Variants in OPCML observed in about 807,000 individuals in gnomAD.
OPCML encodes opioid-binding protein/cell adhesion molecule.
Under a neutral mutation model 37.8 loss-of-function variants are expected in OPCML, and 13 were observed. The ratio of observed to expected loss-of-function variants is 0.34; its 90% CI spans 0.22 to 0.55. The LOEUF is 0.55. OPCML is among the 20% of genes least tolerant of loss of function. OPCML has a pLI of 0.91. For synonymous variants in OPCML, 176 were observed against 168.8 expected, an observed-to-expected ratio of 1.04 and a Z score of -0.33; for missense variants, 341 against 435.6, an observed-to-expected ratio of 0.78 and a Z score of 1.93.
chr11:132,705,005 T>A (rs1326811612), intron 2 of OPCML, among the ~76,000 whole-genome samples: 1 of 152,182 alleles, frequency 6.6e-6, no homozygotes, highest in Admixed American at 6.5e-5. Context: ...GAGTTCCATT[T>A]TGTAAATGTT....
intron 2 of OPCML, among the ~76,000 whole-genome samples, chr11:132,851,223 T>G (rs1303670119): frequency 6.6e-6 from 1 of 152,218 alleles, no homozygotes; most frequent in Non-Finnish European, 1.5e-5. Flanking sequence ...TTTCTTCCAA[T>G]TTGTGTTAGT....
chr11:132,539,802 A>G (rs1196456708), intron 3 of OPCML, among the ~76,000 whole-genome samples: 1 of 151,994 alleles, frequency 6.6e-6, no homozygotes, highest in African/African-American at 2.4e-5. Flanking sequence ...GACGGTAATG[A>G]TGATGGTGAT....
chr11:133,070,582 TA>T (rs1948514958), intron 1 of OPCML, among the ~76,000 whole-genome samples: 1 of 152,128 alleles, frequency 6.6e-6, no homozygotes, highest in African/African-American at 2.4e-5. Flanking sequence ...TGAAGAGAGG[TA>T]ACGCAACGGT....
At chr11:133,150,729 C>T (rs1949968441) in intron 1 of OPCML, among the ~76,000 whole-genome samples, 1 of 152,006 alleles carries the variant, frequency 6.6e-6, no homozygotes, top group African/African-American at 2.4e-5. Context: ...TTTCTTTCCC[C>T]AGGAAAGAAA....
rs1946321630 is a variant in OPCML, at chr11:132,970,667, T to C, written c.62-27657A>G. On this transcript the variant is annotated intron_variant, in intron 1 of 7. Transcript: ENST00000524381. ...AATGTCACATAAACCCTCATTTCAG[T>C]CAAATGTAACTCACTGTCTCCATAT... 2.6e-5 allele frequency among the ~76,000 whole-genome samples: 4 copies of C among 152,302 alleles called. No homozygotes were observed. The South Asian group carries it at 8.3e-4, about 32-fold the overall frequency.
chr11:133,198,468 G>C (rs1395327686), intron 1 of OPCML, among the ~76,000 whole-genome samples: 3 of 152,236 alleles, frequency 2.0e-5, no homozygotes, highest in Non-Finnish European at 2.9e-5. Flanking sequence ...GTGACAACAT[G>C]TAATAGGAGA....
At chr11:133,406,940 T>C (rs539725362) in intron 1 of OPCML, among the ~76,000 whole-genome samples, 1 of 152,324 alleles carries the variant, frequency 6.6e-6, no homozygotes, top group East Asian at 1.9e-4. Context: ...ACATCAGTGA[T>C]CACTTGATGG....
At chr11:132,741,454 C>T (rs1005891944) in intron 2 of OPCML, among the ~76,000 whole-genome samples, 5 of 152,066 alleles carry the variant, frequency 3.3e-5, no homozygotes, top group African/African-American at 7.2e-5. Flanking sequence ...GGTCTGTGCT[C>T]GTGTCCATCA....
chr11:132,867,036 G>C (rs1229355308), intron 2 of OPCML, among the ~76,000 whole-genome samples: 1 of 152,192 alleles, frequency 6.6e-6, no homozygotes, highest in East Asian at 1.9e-4. Context: ...ACTTAGACTT[G>C]CTGAGGCCCT....
intron 4 of OPCML, among the ~76,000 whole-genome samples, chr11:132,446,809 G>C (rs1376745766): frequency 1.3e-5 from 2 of 152,088 alleles, no homozygotes; most frequent in Non-Finnish European, 2.9e-5. Flanking sequence ...ATCAATGCAT[G>C]GAAGGAGACA....
intron 1 of OPCML, among the ~76,000 whole-genome samples, chr11:133,308,205 A>G (rs1304429777): frequency 1.3e-5 from 2 of 152,074 alleles, no homozygotes; most frequent in African/African-American, 4.8e-5. Context: ...CACCAGCAAT[A>G]CCTGTTTCAG....
intron 1 of OPCML, among the ~76,000 whole-genome samples, chr11:133,249,993 A>T (rs1301855362): frequency 6.6e-6 from 1 of 152,128 alleles, no homozygotes; most frequent in East Asian, 1.9e-4. Flanking sequence ...CCATCTAACA[A>T]CCCCCAGAAA....
At chr11:133,505,097 A>G (rs138670802) in intron 1 of OPCML, among the ~76,000 whole-genome samples, 253 of 152,340 alleles carry the variant, frequency 1.7e-3, no homozygotes, top group South Asian at 4.1e-3. Flanking sequence ...CTCACACCAC[A>G]TGACCTTAGG....
intron 1 of OPCML, among the ~76,000 whole-genome samples, chr11:133,017,073 C>A (rs553371346): frequency 1.4e-4 from 22 of 152,214 alleles, no homozygotes; most frequent in Non-Finnish European, 2.1e-4. Flanking sequence ...GACCAAGGTG[C>A]CTGCAGGGTT....
At chr11:132,944,307 A>G (rs1246757619) in intron 1 of OPCML, among the ~76,000 whole-genome samples, 1 of 151,902 alleles carries the variant, frequency 6.6e-6, no homozygotes, top group African/African-American at 2.4e-5. Flanking sequence ...AAGTTGACAA[A>G]CCCCGCCCTG....
At chr11:132,800,351 C>T (rs1056220641) in intron 2 of OPCML, among the ~76,000 whole-genome samples, 3 of 152,088 alleles carry the variant, frequency 2.0e-5, no homozygotes, top group South Asian at 2.1e-4. Context: ...ATGTTATTTA[C>T]AAAAAGATAC....
At chr11:132,958,267 G>A (rs1946012303) in intron 1 of OPCML, among the ~76,000 whole-genome samples, 1 of 152,218 alleles carries the variant, frequency 6.6e-6, no homozygotes, top group Non-Finnish European at 1.5e-5. Context: ...CTAATCCAGA[G>A]CGAGGTTGTA....
At chr11:133,322,958 T>G (rs1209783309) in intron 1 of OPCML, among the ~76,000 whole-genome samples, 1 of 152,232 alleles carries the variant, frequency 6.6e-6, no homozygotes, top group Non-Finnish European at 1.5e-5. Flanking sequence ...CAAGACCTGG[T>G]ATATACAAAA....
intron 1 of OPCML, among the ~76,000 whole-genome samples, chr11:133,524,624 T>A (rs1192711871): frequency 6.6e-6 from 1 of 152,222 alleles, no homozygotes; most frequent in Non-Finnish European, 1.5e-5. Context: ...CGACTCACAC[T>A]CTCAGGCGTG....
Sources: allele counts gnomAD v4.1 joint callset (sites outside exome capture counted in the v4.1 genomes callset), GRCh38; gene constraint gnomAD v4.1.1; transcripts MANE v1.5; gene names NCBI Gene and HGNC (gene_info 2026-07-23, HGNC 2026-07-21).